The following DLG2 variants were observed in gnomAD, a reference collection of about 807,000 sequenced individuals.
DLG2 encodes the protein disks large homolog 2.
DLG2 carries 45 observed loss-of-function variants against 132.5 expected under a neutral mutation model. That is an observed-to-expected ratio of 0.34 (90% CI 0.27 to 0.44). The LOEUF is 0.44. Ranked by LOEUF, DLG2 falls within the 20% of genes least tolerant of loss-of-function variation. DLG2 has a pLI of 1.00. For synonymous variants in DLG2, 424 were observed against 419.6 expected (o/e 1.01, Z -0.13); for missense variants, 1,045 against 1,196.9 (o/e 0.87, Z 1.87).
At chr11:85,079,484 A>ATT (rs35913627) in intron 6 of DLG2, among the ~76,000 whole-genome samples, 1 of 137,668 alleles carries the variant, frequency 7.3e-6, no homozygotes, top group Non-Finnish European at 1.6e-5. Context: ...GAGGCTTAGA[A>ATT]TTTTTTTTTT....
At chr11:84,201,008 A>G (rs2096584961) in intron 8 of DLG2, among the ~76,000 whole-genome samples, 1 of 152,154 alleles carries the variant, frequency 6.6e-6, no homozygotes, top group East Asian at 1.9e-4. Flanking sequence ...GAGAGAGGGC[A>G]TCCTTGTCTT....
intron 6 of DLG2, among the ~76,000 whole-genome samples, chr11:84,802,753 T>G (rs1275439963): frequency 6.6e-6 from 1 of 152,040 alleles, no homozygotes; most frequent in Non-Finnish European, 1.5e-5. Flanking sequence ...GGGATGAAAG[T>G]AGAAAAAAGC....
chr11:83,877,208 T>C (rs1018221979), intron 15 of DLG2, among the ~76,000 whole-genome samples: 3 of 152,140 alleles, frequency 2.0e-5, no homozygotes, highest in African/African-American at 7.2e-5. Flanking sequence ...ACCCTAACAA[T>C]TTAATAGATG....
At chr11:83,530,390 A>G (rs2140989728) in intron 21 of DLG2, among the ~76,000 whole-genome samples, 1 of 152,144 alleles carries the variant, frequency 6.6e-6, no homozygotes, top group Non-Finnish European at 1.5e-5. Context: ...TCGGGCCTCA[A>G]AATCCCTGAG....
At chr11:85,272,918 G>C (rs963868648) in intron 4 of DLG2, among the ~76,000 whole-genome samples, 2 of 152,096 alleles carry the variant, frequency 1.3e-5, no homozygotes, top group East Asian at 3.9e-4. Context: ...ATAGACCAAT[G>C]AAACAGAACA....
chr11:83,952,476 G>C (rs1322761191), intron 14 of DLG2, among the ~76,000 whole-genome samples: 1 of 152,124 alleles, frequency 6.6e-6, no homozygotes, highest in Admixed American at 6.5e-5. Context: ...TGGAAATTTG[G>C]CATTTATATT....
intron 6 of DLG2, chr11:84,546,446 C>T (rs980320659): frequency 4.5e-6 from 1 of 221,548 alleles, no homozygotes; most frequent in Non-Finnish European, 9.4e-6. Context: ...AACCTCTTTT[C>T]CTCTTTTCCT....
chr11:84,315,312 G>C (rs2098342209), intron 7 of DLG2, among the ~76,000 whole-genome samples: 1 of 152,098 alleles, frequency 6.6e-6, no homozygotes, highest in Non-Finnish European at 1.5e-5. Context: ...AGAGATTTGG[G>C]TTTGGGAAAT....
chr11:84,567,280 T>C (rs537274435), intron 6 of DLG2, among the ~76,000 whole-genome samples: 2 of 152,310 alleles, frequency 1.3e-5, no homozygotes, highest in East Asian at 3.9e-4. Flanking sequence ...GGATTTCTTC[T>C]GTATATCTGA....
chr11:83,591,242 A>G lies in DLG2; in HGVS notation c.1940+41969T>C, dbSNP rs1284677744. 5.0e-5 allele frequency among the ~76,000 whole-genome samples: 7 copies of G among 138,700 alleles called. No homozygotes were observed. The South Asian group carries it at 7.6e-4, about 15-fold the overall frequency. The allele number at this position is 138,700 out of a possible 152,430, so 91.0% of individuals were successfully genotyped here. ...ATGAACATTGATGCAAAAATCCTCA[A>G]TAAAATACTGGCAAAACGAATCCAG... On this transcript the variant is annotated intron_variant, in intron 19 of 27. Transcript: ENST00000376104.
At chr11:83,784,381 G>A (rs1042011527) in intron 18 of DLG2, among the ~76,000 whole-genome samples, 3 of 152,196 alleles carry the variant, frequency 2.0e-5, no homozygotes, top group African/African-American at 4.8e-5. Flanking sequence ...AGTTTGGATA[G>A]GAGAGGAAAG....
intron 18 of DLG2, among the ~76,000 whole-genome samples, chr11:83,660,826 C>T (rs2074063657): frequency 1.3e-5 from 2 of 152,080 alleles, no homozygotes; most frequent in South Asian, 2.1e-4. Context: ...CTCTCTCCCT[C>T]CTCCCATCTT....
At chr11:84,533,666 T>A (rs564415062) in intron 7 of DLG2, among the ~76,000 whole-genome samples, 14 of 152,272 alleles carry the variant, frequency 9.2e-5, no homozygotes, top group African/African-American at 3.4e-4. Context: ...GAGACACTTT[T>A]ATGTCTTTAT....
At chr11:85,087,668 C>G (rs2068118371) in intron 6 of DLG2, among the ~76,000 whole-genome samples, 1 of 150,598 alleles carries the variant, frequency 6.6e-6, no homozygotes, top group South Asian at 2.1e-4. Context: ...GAAACCCCGT[C>G]TCTACTAAAA....
At chr11:84,128,735 T>C (rs2094289864) in intron 9 of DLG2, among the ~76,000 whole-genome samples, 1 of 152,000 alleles carries the variant, frequency 6.6e-6, no homozygotes, top group Admixed American at 6.6e-5. Flanking sequence ...TAGGGGGCAA[T>C]ATACACTTCA....
intron 6 of DLG2, among the ~76,000 whole-genome samples, chr11:84,992,158 T>C (rs1002739771): frequency 1.3e-5 from 2 of 152,180 alleles, no homozygotes; most frequent in African/African-American, 4.8e-5. Context: ...AACTTACTCA[T>C]GCGTCTTTTT....
At chr11:85,288,440 A>AT (rs2078692501) in intron 3 of DLG2, among the ~76,000 whole-genome samples, 1 of 152,072 alleles carries the variant, frequency 6.6e-6, no homozygotes, top group Non-Finnish European at 1.5e-5. Flanking sequence ...GAAATAAGGA[A>AT]TAAAAAAAAG....
intron 6 of DLG2, among the ~76,000 whole-genome samples, chr11:85,033,272 C>T (rs777290456): frequency 1.9e-4 from 29 of 151,406 alleles, no homozygotes; most frequent in Middle Eastern, 3.5e-3. Context: ...TATTTGAAGA[C>T]TGTGCTCAAA....
At chr11:84,660,034 C>T (rs1467319492) in intron 6 of DLG2, among the ~76,000 whole-genome samples, 2 of 152,050 alleles carry the variant, frequency 1.3e-5, no homozygotes, top group African/African-American at 4.8e-5. Flanking sequence ...ACCAGGAAAG[C>T]TCACTTGAGC....
Sources: allele counts gnomAD v4.1 joint callset (sites outside exome capture counted in the v4.1 genomes callset), GRCh38; gene constraint gnomAD v4.1.1; transcripts MANE v1.5; gene names NCBI Gene and HGNC (gene_info 2026-07-23, HGNC 2026-07-21).